AKAP7: variants seen among roughly 807,000 people sequenced by gnomAD.
The protein encoded by AKAP7 is A-kinase anchoring protein 7, also known as A kinase (PRKA) anchor protein 7.
AKAP7 carries 39 observed loss-of-function variants against 39.5 expected under a neutral mutation model. The observed-to-expected ratio is 0.99, with a 90% CI of 0.76 to 1.29. The LOEUF is 1.29. Ranked by LOEUF, AKAP7 falls within the 50% of genes most tolerant of loss-of-function variation. The probability of loss-of-function intolerance (pLI) is 0.00; values close to 1 mark genes in which losing one functional copy is unlikely to be tolerated. For synonymous variants in AKAP7, 140 were observed against 139.1 expected (o/e 1.01, Z -0.05); for missense variants, 414 against 407.7 (o/e 1.02, Z -0.13).
At chr6:131,270,053 C>G (rs147360294) in intron 7 of AKAP7, among the ~76,000 whole-genome samples, 4 of 152,152 alleles carry the variant, frequency 2.6e-5, no homozygotes, top group East Asian at 3.9e-4. Flanking sequence ...TGTCCCTCAT[C>G]ATGGGGAAGA....
chr6:131,201,571 T>G (rs1281661946), intron 6 of AKAP7, among the ~76,000 whole-genome samples: 1 of 152,176 alleles, frequency 6.6e-6, no homozygotes. Context: ...TAGTTTCTTT[T>G]GCTGTGCAGA....
chr6:131,201,709 G>C (rs1037553920), intron 6 of AKAP7, among the ~76,000 whole-genome samples: 4 of 152,068 alleles, frequency 2.6e-5, no homozygotes, highest in Non-Finnish European at 2.9e-5. Flanking sequence ...TTTCTTCTAG[G>C]GCTTTTATGG....
chr6:131,157,494 AT>A (rs1203206010), intron 2 of AKAP7, among the ~76,000 whole-genome samples: 3 of 152,218 alleles, frequency 2.0e-5, no homozygotes, highest in Non-Finnish European at 4.4e-5. Context: ...TCATTAGCAT[AT>A]TTTGTTACTT....
intron 1 of AKAP7, among the ~76,000 whole-genome samples, chr6:131,143,761 TTTTTA>T (rs1801248420): frequency 6.6e-6 from 1 of 151,440 alleles, no homozygotes; most frequent in African/African-American, 2.4e-5. Context: ...TATTTTTTAT[TTTTTA>T]TTTTTTATTT....
chr6:131,190,488 A>G (rs983867496), intron 5 of AKAP7, among the ~76,000 whole-genome samples: 1 of 151,988 alleles, frequency 6.6e-6, no homozygotes, highest in Non-Finnish European at 1.5e-5. Context: ...CTAAAAATAC[A>G]AAAATTAGCC....
Position 131,194,433 on chromosome 6 carries a change from CT to C in AKAP7, c.590-5021del, listed in dbSNP as rs554711767. Among the ~76,000 whole-genome samples the C allele has an allele frequency of 7.9e-5, 12 of 152,084 alleles. No homozygotes were observed. In the South Asian group the frequency reaches 2.5e-3, roughly 32 times the overall value. ...TTTTAGTTTTTTGAATGTTTTAAGACTTTTTTTGTGATCTAACATATGGTCT... is the reference window on the plus strand; with the variant it reads ...TTTTAGTTTTTTGAATGTTTTAAGACTTTTTTGTGATCTAACATATGGTCT... On this transcript the variant is annotated intron_variant, in intron 5 of 7. Transcript: ENST00000431975.
At chr6:131,253,911 C>G (rs1168745292) in intron 7 of AKAP7, among the ~76,000 whole-genome samples, 1 of 152,036 alleles carries the variant, frequency 6.6e-6, no homozygotes, top group African/African-American at 2.4e-5. Context: ...GTATTTGGCT[C>G]TTGTGAATAA....
At chr6:131,273,744 CTT>C (rs1814499827) in intron 7 of AKAP7, among the ~76,000 whole-genome samples, 1 of 152,170 alleles carries the variant, frequency 6.6e-6, no homozygotes, top group Admixed American at 6.6e-5. Flanking sequence ...TTTTGGTTCT[CTT>C]TTTGTTTCTG....
chr6:131,163,091 A>T (rs530133780), intron 3 of AKAP7, among the ~76,000 whole-genome samples: 1 of 152,282 alleles, frequency 6.6e-6, no homozygotes, highest in Admixed American at 6.5e-5. Context: ...AAAATAATAA[A>T]TACAGTGTAA....
intron 7 of AKAP7, among the ~76,000 whole-genome samples, chr6:131,222,897 TTCA>T (rs1178768309): frequency 6.6e-6 from 1 of 152,142 alleles, no homozygotes; most frequent in African/African-American, 2.4e-5. Context: ...TGCAGCAAAC[TTCA>T]TTATTGTCTT....
At chr6:131,226,948 A>G (rs1430274519) in intron 7 of AKAP7, among the ~76,000 whole-genome samples, 3 of 152,356 alleles carry the variant, frequency 2.0e-5, no homozygotes, top group East Asian at 3.9e-4. Context: ...ACAGAGAAGT[A>G]TAAGACACAG....
At chr6:131,187,631 G>A (rs1805997582) in intron 5 of AKAP7, among the ~76,000 whole-genome samples, 1 of 152,136 alleles carries the variant, frequency 6.6e-6, no homozygotes, top group South Asian at 2.1e-4. Flanking sequence ...AAAGGTCTTT[G>A]AGGGAATCTT....
intron 7 of AKAP7, among the ~76,000 whole-genome samples, chr6:131,277,766 T>C (rs1391476993): frequency 6.6e-6 from 1 of 152,214 alleles, no homozygotes; most frequent in Non-Finnish European, 1.5e-5. Flanking sequence ...CTAATGGTCA[T>C]AGTCTGAGGA....
intron 7 of AKAP7, chr6:131,250,386 G>T (rs543835632): frequency 6.3e-6 from 9 of 1,432,492 alleles, no homozygotes. Context: ...TTTTGCTCAC[G>T]GCAGCAAGTT....
In AKAP7 at chr6:131,279,970, A is replaced by G. The variant is rs997536603; in HGVS notation, c.851-1560A>G. ...ATAAACACCGTGTTGTAAGGTTGAG[A>G]TAAAATCCCTAAATATTAGGCAATA... On this transcript the variant is annotated intron_variant, in intron 7 of 7. Transcript: ENST00000431975. Among the ~76,000 whole-genome samples, 3 of 152,316 alleles carry G rather than the reference A, an allele frequency of 2.0e-5. No homozygotes were observed. In the East Asian group the frequency reaches 5.8e-4, roughly 29 times the overall value.
intron 7 of AKAP7, among the ~76,000 whole-genome samples, chr6:131,240,260 C>T (rs1325782030): frequency 6.6e-6 from 1 of 152,160 alleles, no homozygotes; most frequent in Non-Finnish European, 1.5e-5. Context: ...GTGATCGTTC[C>T]TCTGGAAGTT....
Position 131,209,727 on chromosome 6 carries a change from C to T in AKAP7, c.703-9934C>T, listed in dbSNP as rs182050512. Among the ~76,000 whole-genome samples, 64 of 151,676 alleles carry T rather than the reference C, an allele frequency of 4.2e-4. 1 individual carries two copies. Among genetic ancestry groups the T allele is most frequent in the Admixed American group, 1.8e-3 (28 of 15,278 alleles). The stretch of plus-strand genomic sequence containing the variant: ...GTTATGGGAAAAATGTTTTTCTCAG[C>T]GAGTCGTTTTTAGACATTTTGAAAC... On this transcript the variant is annotated intron_variant, in intron 6 of 7. Coordinates refer to ENST00000431975, the MANE Select transcript of AKAP7 (RefSeq NM_016377.4).
At chr6:131,188,171 A>G (rs1713862998) in intron 5 of AKAP7, among the ~76,000 whole-genome samples, 1 of 152,256 alleles carries the variant, frequency 6.6e-6, no homozygotes, top group South Asian at 2.1e-4. Context: ...TATCTATTTA[A>G]GATGAGGACT....
intron 7 of AKAP7, among the ~76,000 whole-genome samples, chr6:131,241,644 T>TATATATA: frequency 7.0e-6 from 1 of 142,484 alleles, no homozygotes; most frequent in Non-Finnish European, 1.5e-5. Context: ...TATATGACAG[T>TATATATA]TATAGGATTC....
Sources: gnomAD v4.1 joint callset for allele counts (sites outside exome capture counted in the v4.1 genomes callset) on GRCh38, gnomAD v4.1.1 for gene constraint, MANE v1.5 for transcripts, NCBI Gene and HGNC (gene_info 2026-07-23, HGNC 2026-07-21) for gene names.